PTPRD: variants seen among roughly 807,000 people sequenced by gnomAD.
The protein encoded by PTPRD is protein tyrosine phosphatase receptor type D.
In PTPRD, 34 loss-of-function variants were observed where a neutral mutation model predicts 214.5. That is an observed-to-expected ratio of 0.16 (90% CI 0.12 to 0.21). PTPRD has a LOEUF of 0.21. PTPRD is among the 10% of genes least tolerant of loss of function. The pLI is 1.00. For synonymous variants in PTPRD, 1,128 were observed against 845.7 expected (o/e 1.33, Z -5.79); for missense variants, 2,545 against 2,398.7 (o/e 1.06, Z -1.27).
chr9:9,649,945 G>C (rs537587880), intron 7 of PTPRD, among the ~76,000 whole-genome samples: 1 of 152,086 alleles, frequency 6.6e-6, no homozygotes, highest in Non-Finnish European at 1.5e-5. Context: ...CTGTGCTAGC[G>C]ATAGAAAAAA....
At chr9:10,160,354 C>T (rs2099119990) in intron 3 of PTPRD, among the ~76,000 whole-genome samples, 1 of 151,870 alleles carries the variant, frequency 6.6e-6, no homozygotes, top group Admixed American at 6.6e-5. Flanking sequence ...GAAGTCATAA[C>T]AAAAAGGTTT....
chr9:10,003,230 T>A (rs544987858), intron 4 of PTPRD, among the ~76,000 whole-genome samples: 13 of 151,818 alleles, frequency 8.6e-5, no homozygotes, highest in Admixed American at 2.6e-4. Flanking sequence ...TGTAGTTATA[T>A]GCCTAGAATA....
chr9:10,031,171 T>C (rs1288954502), intron 4 of PTPRD, among the ~76,000 whole-genome samples: 1 of 152,084 alleles, frequency 6.6e-6, no homozygotes, highest in East Asian at 1.9e-4. Context: ...TAGGCAGAAA[T>C]TGATCCCTAA....
chr9:10,419,122 G>T (rs1368743867), intron 2 of PTPRD, among the ~76,000 whole-genome samples: 2 of 151,760 alleles, frequency 1.3e-5, no homozygotes, highest in Non-Finnish European at 2.9e-5. Flanking sequence ...TTTGTTTGAG[G>T]ACAAAACTTC....
intron 2 of PTPRD, among the ~76,000 whole-genome samples, chr9:10,479,233 C>T (rs566789817): frequency 1.5e-3 from 235 of 152,184 alleles, no homozygotes; most frequent in Non-Finnish European, 2.2e-3. Flanking sequence ...TCCAAACATG[C>T]CCTGGGCGTT....
chr9:8,643,591 C>G (rs1564930786), intron 12 of PTPRD, among the ~76,000 whole-genome samples: 1 of 152,196 alleles, frequency 6.6e-6, no homozygotes, highest in Non-Finnish European at 1.5e-5. Flanking sequence ...GACCCACCAC[C>G]ACCACTGCTG....
intron 11 of PTPRD, among the ~76,000 whole-genome samples, chr9:8,995,500 A>G (rs1567474466): frequency 1.3e-5 from 2 of 151,990 alleles, no homozygotes; most frequent in African/African-American, 4.8e-5. Flanking sequence ...GTGGGTCACT[A>G]TTTTACAGTT....
chr9:9,045,941 T>A (rs921612608), intron 10 of PTPRD, among the ~76,000 whole-genome samples: 1 of 152,198 alleles, frequency 6.6e-6, no homozygotes, highest in East Asian at 1.9e-4. Flanking sequence ...GATCGGTTTA[T>A]CCAGATGCTT....
chr9:8,473,118 G>C (rs1457231845), intron 30 of PTPRD, among the ~76,000 whole-genome samples: 1 of 152,148 alleles, frequency 6.6e-6, no homozygotes. Context: ...AGGTTAAAGA[G>C]CTTGTCAAAC....
At chr9:8,798,172 T>C (rs1236843596) in intron 11 of PTPRD, among the ~76,000 whole-genome samples, 2 of 152,200 alleles carry the variant, frequency 1.3e-5, no homozygotes, top group African/African-American at 4.8e-5. Context: ...GATCAAATTT[T>C]CTTTTTTCTT....
intron 12 of PTPRD, among the ~76,000 whole-genome samples, chr9:8,653,238 A>G (rs2096847115): frequency 6.6e-6 from 1 of 151,966 alleles, no homozygotes. Flanking sequence ...TCTATTAGTT[A>G]CTCCAATTCG....
At chr9:10,388,271 G>A (rs1484630989) in intron 2 of PTPRD, among the ~76,000 whole-genome samples, 1 of 151,642 alleles carries the variant, frequency 6.6e-6, no homozygotes, top group African/African-American at 2.4e-5. Context: ...TATAGAATCT[G>A]GACTCAACTA....
At chr9:8,939,655 T>C (rs902915612) in intron 11 of PTPRD, among the ~76,000 whole-genome samples, 1 of 152,176 alleles carries the variant, frequency 6.6e-6, no homozygotes, top group Non-Finnish European at 1.5e-5. Context: ...AAAGGCAATC[T>C]GAAAAAGAAT....
intron 12 of PTPRD, among the ~76,000 whole-genome samples, chr9:8,648,467 A>C (rs1054468602): frequency 6.6e-6 from 1 of 152,214 alleles, no homozygotes; most frequent in African/African-American, 2.4e-5. Flanking sequence ...AAATCTGTGA[A>C]GTCATTCTTA....
chr9:9,795,175 C>T (rs1231667849), intron 5 of PTPRD, among the ~76,000 whole-genome samples: 1 of 152,164 alleles, frequency 6.6e-6, no homozygotes, highest in Non-Finnish European at 1.5e-5. Context: ...ATCTGTCACA[C>T]TTTTGCTCCT....
intron 30 of PTPRD, among the ~76,000 whole-genome samples, chr9:8,481,929 T>C (rs1049693152): frequency 6.6e-6 from 1 of 152,090 alleles, no homozygotes; most frequent in South Asian, 2.1e-4. Context: ...ATTACAGGCA[T>C]GCGCCACCAT....
At chr9:10,534,289 T>A (rs1251817335) in intron 2 of PTPRD, among the ~76,000 whole-genome samples, 1 of 152,036 alleles carries the variant, frequency 6.6e-6, no homozygotes, top group Non-Finnish European at 1.5e-5. Context: ...AAATACAGCA[T>A]ATTAGATAAA....
chr9:10,319,726 T>A (rs929719514), intron 3 of PTPRD, among the ~76,000 whole-genome samples: 1 of 152,026 alleles, frequency 6.6e-6, no homozygotes, highest in Non-Finnish European at 1.5e-5. Context: ...TTTACATTCT[T>A]ATTGATATTA....
intron 4 of PTPRD, among the ~76,000 whole-genome samples, chr9:9,957,333 G>A (rs985344985): frequency 2.0e-5 from 3 of 151,906 alleles, no homozygotes; most frequent in African/African-American, 4.8e-5. Context: ...AATTACAAAA[G>A]ACATATTGAT....
Sources: gnomAD v4.1 joint callset for allele counts (sites outside exome capture counted in the v4.1 genomes callset) on GRCh38, gnomAD v4.1.1 for gene constraint, MANE v1.5 for transcripts, NCBI Gene and HGNC (gene_info 2026-07-23, HGNC 2026-07-21) for gene names.